WWC2: variants seen among roughly 807,000 people sequenced by gnomAD.
WWC2 encodes the protein protein WWC2.
WWC2 carries 101 observed loss-of-function variants against 138.5 expected under a neutral mutation model. The ratio of observed to expected loss-of-function variants is 0.73; its 90% CI spans 0.62 to 0.86. The LOEUF (loss-of-function observed/expected upper bound fraction) is 0.86. WWC2 is among the 40% of genes least tolerant of loss of function. The pLI, the probability that WWC2 is intolerant of heterozygous loss-of-function variation, is 0.00. For missense variants in WWC2, 1,420 were observed against 1,419.4 expected, an observed-to-expected ratio of 1.00 and a Z score of -0.01; for synonymous variants, 558 against 538.4, an observed-to-expected ratio of 1.04 and a Z score of -0.50.
At chr4:183,211,641 A>G (rs183343797) in intron 4 of WWC2, among the ~76,000 whole-genome samples, 220 of 152,222 alleles carry the variant, frequency 1.4e-3, no homozygotes, top group Non-Finnish European at 2.5e-3. Context: ...CGTTCGATAG[A>G]TGCTGAACTT....
In WWC2 at chr4:183,260,972, G is replaced by C. The variant is rs141501417; in HGVS notation, c.1349G>C (p.Arg450Pro). Reference protein sequence around the residue: ...GSSLGSLASSRGSLNTSSRGS... With the variant: ...GSSLGSLASSPGSLNTSSRGS... ...AGCCTGGGTTCCCTGGCATCGAGTC[G>C]GGGCTCTCTGAACACCTCCAGCAGA... Residue 450 changes from arginine (R) to proline (P), a missense_variant, in exon 11 of 23, where the codon CGG becomes CCG. By Grantham distance (103) the Arg-to-Pro change is moderately radical (BLOSUM62 -2). Coordinates refer to ENST00000403733, the MANE Select transcript of WWC2 (RefSeq NM_024949.6). 2 of 1,613,868 alleles carry C rather than the reference G, an allele frequency of 1.2e-6. No homozygotes were observed. Among genetic ancestry groups the C allele is most frequent in the East Asian group, 4.5e-5 (2 of 44,876 alleles).
At position 183,233,317 on chromosome 4, in the gene WWC2, G is replaced by A. The variant is rs1274414070; in HGVS notation, c.523-6866G>A. On this transcript the variant is annotated intron_variant, in intron 4 of 22. Coordinates refer to ENST00000403733, the MANE Select transcript of WWC2 (RefSeq NM_024949.6). Reference sequence around the variant, plus strand: ...GATTAAGGCACCTGCCACCACACCCGGCTAATTTTTGTATTTTTTAGTAGA... The same window carrying A: ...GATTAAGGCACCTGCCACCACACCCAGCTAATTTTTGTATTTTTTAGTAGA... Among the ~76,000 whole-genome samples, 4 of 150,968 alleles carry A rather than the reference G, an allele frequency of 2.6e-5. No individual in the cohort carries two copies. The East Asian group carries it at 7.8e-4, about 30-fold the overall frequency.
rs970794787 is a variant in WWC2 at position 183,193,479 on chromosome 4, GT to G, written c.132-109del. ...TATATACATCTGTATTTTATCCTTG[GT>G]TTTTTTTTTTCTTTAAGATTTTAAA... On this transcript the variant is annotated intron_variant, in intron 1 of 22. Transcript: ENST00000403733. 3.7e-3 allele frequency: 2,481 copies of G among 672,136 alleles called. 2 individuals are homozygous for G. Among genetic ancestry groups the G allele is most frequent in the East Asian group, 0.017 (499 of 29,314 alleles). The allele number at this position is 672,136 out of a possible 1,614,324, so 41.6% of individuals were successfully genotyped here.
rs142755387 is a variant in WWC2 at position 183,173,258 on chromosome 4, C to G, written c.132-20341C>G. On this transcript the variant is annotated intron_variant, in intron 1 of 22. Coordinates refer to ENST00000403733, the MANE Select transcript of WWC2 (RefSeq NM_024949.6). ...GTAGAGGTGGGGTCTTGTTATGTTGCCCAGGCTGGTCTCAAACTCTCAGGC... is the reference window on the plus strand; with the variant it reads ...GTAGAGGTGGGGTCTTGTTATGTTGGCCAGGCTGGTCTCAAACTCTCAGGC... 6.7e-3 allele frequency among the ~76,000 whole-genome samples: 1,015 copies of G among 152,116 alleles called. 17 individuals are homozygous for G. Among genetic ancestry groups the G allele is most frequent in the African/African-American group, 0.023 (956 of 41,484 alleles).
rs538336229 is a variant in WWC2, at chr4:183,248,760, G to C, written c.779G>C (p.Gly260Ala). The C allele has an allele frequency of 1.1e-5, 17 of 1,603,696 alleles. No homozygotes were observed. The African/African-American group carries it at 2.1e-4, about 20-fold the overall frequency. The change falls in exon 7 of 23, where the codon GGC (glycine) becomes GCC (alanine). Residue 260 changes from glycine to alanine, a missense_variant. Physicochemically the swap from Gly to Ala is moderately conservative, Grantham distance 60 (BLOSUM62 0). Coordinates refer to ENST00000403733, the MANE Select transcript of WWC2 (RefSeq NM_024949.6). The stretch of plus-strand genomic sequence containing the variant: ...CGGTTTCATTTGGATCAGAACATTG[G>C]CAGATCTGAGCCAGATTTGAGATGT... ...QERFHLDQNI[G>A]RSEPDLRCSP...
intron 16 of WWC2, among the ~76,000 whole-genome samples, chr4:183,272,736 C>G (rs890115304): frequency 6.6e-6 from 1 of 152,176 alleles, no homozygotes; most frequent in Non-Finnish European, 1.5e-5. Context: ...TGGCATCTTT[C>G]ACTTAGCATA....
intron 1 of WWC2, among the ~76,000 whole-genome samples, chr4:183,123,876 G>A (rs577568604): frequency 1.6e-4 from 24 of 151,938 alleles, no homozygotes; most frequent in Middle Eastern, 3.4e-3. Context: ...GGATTTTTAC[G>A]TGAATATTTG....
intron 4 of WWC2, among the ~76,000 whole-genome samples, chr4:183,211,103 G>A (rs146941302): frequency 9.2e-5 from 14 of 152,230 alleles, no homozygotes; most frequent in African/African-American, 3.1e-4. Context: ...TCATATGAGT[G>A]CATTGCTTAA....
At chr4:183,255,045 C>A (rs781153554) in intron 9 of WWC2, among the ~76,000 whole-genome samples, 1 of 152,142 alleles carries the variant, frequency 6.6e-6, no homozygotes, top group African/African-American at 2.4e-5. Flanking sequence ...CAACGTTAAC[C>A]GTTTTAGGAG....
At chr4:183,241,775 C>T (rs1033572425) in intron 5 of WWC2, among the ~76,000 whole-genome samples, 2 of 150,366 alleles carry the variant, frequency 1.3e-5, no homozygotes, top group Non-Finnish European at 2.9e-5. Flanking sequence ...AGCAGGGCTT[C>T]GTGGTGGGGG....
In WWC2 at chr4:183,174,229, G is replaced by C. The variant is rs946480467; in HGVS notation, c.132-19370G>C. Among the ~76,000 whole-genome samples the C allele has an allele frequency of 1.1e-4, 17 of 152,300 alleles. No individual in the cohort carries two copies. In the East Asian group the frequency reaches 2.9e-3, roughly 26 times the overall value. ...GCCCATCTGATTAAGTCTTTCTAGA[G>C]AATAAACCTTCTGTTTCTGCCCAGG... is the stretch of plus-strand genomic sequence containing the variant. On this transcript the variant is annotated intron_variant, in intron 1 of 22. Transcript: ENST00000403733.
intron 1 of WWC2, among the ~76,000 whole-genome samples, chr4:183,113,721 C>G (rs1198384649): frequency 6.7e-6 from 1 of 150,058 alleles, no homozygotes; most frequent in Non-Finnish European, 1.5e-5. Flanking sequence ...TTTTAAAGAT[C>G]TTATTTTAAA....
At chr4:183,112,847 G>A (rs552637044) in intron 1 of WWC2, among the ~76,000 whole-genome samples, 1 of 152,302 alleles carries the variant, frequency 6.6e-6, no homozygotes, top group African/African-American at 2.4e-5. Context: ...AGCCATTCAT[G>A]TGAAGATCTG....
intron 4 of WWC2, among the ~76,000 whole-genome samples, chr4:183,225,282 A>C (rs1736038741): frequency 6.6e-6 from 1 of 152,224 alleles, no homozygotes; most frequent in African/African-American, 2.4e-5. Context: ...AAATAGGAAG[A>C]TCAATGGAAC....
intron 4 of WWC2, among the ~76,000 whole-genome samples, chr4:183,234,474 A>G (rs1278595537): frequency 2.0e-5 from 3 of 152,204 alleles, no homozygotes; most frequent in Non-Finnish European, 2.9e-5. Flanking sequence ...TGAAGTTTCT[A>G]AGGCAGAATA....
At chr4:183,137,422 A>C (rs1472232745) in intron 1 of WWC2, among the ~76,000 whole-genome samples, 5 of 152,064 alleles carry the variant, frequency 3.3e-5, no homozygotes, top group South Asian at 4.1e-4. Flanking sequence ...AGCTCAAACA[A>C]ACACACACAT....
At chr4:183,222,564 A>G (rs898229258) in intron 4 of WWC2, among the ~76,000 whole-genome samples, 1 of 152,190 alleles carries the variant, frequency 6.6e-6, no homozygotes, top group Non-Finnish European at 1.5e-5. Flanking sequence ...TAGAAACAAT[A>G]TAAGGATGCA....
intron 16 of WWC2, among the ~76,000 whole-genome samples, chr4:183,280,453 A>G (rs1383441429): frequency 1.3e-5 from 2 of 151,976 alleles, no homozygotes; most frequent in African/African-American, 2.4e-5. Context: ...AGGCAGCCAC[A>G]GTCTGTTTAG....
rs1737092347 is a variant in WWC2, at chr4:183,255,021, G to A, written c.1196+1022G>A. ...CATTCCCAGGTAGGTGTTAGCATGGGGACTCACCCACCCCAACGTTAACCG... is the reference window on the plus strand; with the variant it reads ...CATTCCCAGGTAGGTGTTAGCATGGAGACTCACCCACCCCAACGTTAACCG... On this transcript the variant is annotated intron_variant, in intron 9 of 22. Coordinates refer to ENST00000403733, the MANE Select transcript of WWC2 (RefSeq NM_024949.6). Among the ~76,000 whole-genome samples the A allele has an allele frequency of 2.0e-5, 3 of 152,138 alleles. No individual in the cohort carries two copies. The South Asian group carries it at 6.2e-4, about 31-fold the overall frequency.
Sources: gnomAD v4.1 joint callset for allele counts (sites outside exome capture counted in the v4.1 genomes callset) on GRCh38, gnomAD v4.1.1 for gene constraint, MANE v1.5 for transcripts, NCBI Gene and HGNC (gene_info 2026-07-23, HGNC 2026-07-21) for gene names.